Variants in ERO1B observed in about 807,000 individuals in gnomAD.
The protein encoded by ERO1B is endoplasmic reticulum oxidoreductase 1 beta.
ERO1B carries 49 observed loss-of-function variants against 75.3 expected under a neutral mutation model. That is an observed-to-expected ratio of 0.65 (90% CI 0.52 to 0.83). The LOEUF (loss-of-function observed/expected upper bound fraction) is 0.83. Ranked by LOEUF, ERO1B falls within the 40% of genes least tolerant of loss-of-function variation. ERO1B has a pLI of 0.00. For synonymous variants in ERO1B, 191 were observed against 192.9 expected (o/e 0.99, Z 0.08); for missense variants, 512 against 560.1 (o/e 0.91, Z 0.87).
At chr1:236,244,745 T>G (rs1310084999) in intron 5 of ERO1B, among the ~76,000 whole-genome samples, 1 of 152,206 alleles carries the variant, frequency 6.6e-6, no homozygotes, top group African/African-American at 2.4e-5. Flanking sequence ...AATGTGCATC[T>G]AATGCTAATA....
intron 1 of ERO1B, among the ~76,000 whole-genome samples, chr1:236,272,022 G>A (rs1665601021): frequency 6.6e-6 from 1 of 151,996 alleles, no homozygotes; most frequent in Admixed American, 6.6e-5. Flanking sequence ...TTTAAATACT[G>A]CCAGTATCAT....
At chr1:236,270,032 T>C in intron 1 of ERO1B, 38 bp from the exon 2 acceptor site, 1 of 1,404,910 alleles carries the variant, frequency 7.1e-7, no homozygotes, top group Non-Finnish European at 9.8e-7. Flanking sequence ...AAACTACTGA[T>C]GTTTCAACCT....
intron 2 of ERO1B, among the ~76,000 whole-genome samples, chr1:236,255,821 T>C (rs1187366729): frequency 1.3e-5 from 2 of 152,164 alleles, no homozygotes; most frequent in Admixed American, 1.3e-4. Flanking sequence ...CTTCCTGGAT[T>C]ATCTCTTCCT....
At position 236,247,475 on chromosome 1, in the gene ERO1B, G is replaced by A. The variant is rs536457394; in HGVS notation, c.431+2410C>T. Among the ~76,000 whole-genome samples, 22 of 152,220 alleles carry A rather than the reference G, an allele frequency of 1.4e-4. No homozygotes were observed. The East Asian group carries it at 3.1e-3, about 21-fold the overall frequency. On this transcript the variant is annotated intron_variant, in intron 5 of 15. Transcript: ENST00000354619. ...TTCAAAATACATCCAGAACCTGACC[G>A]CTTCTCATCATTTCCACTGCTATCA... is the stretch of plus-strand genomic sequence containing the variant.
At chr1:236,262,889 C>T (rs1386013644) in intron 2 of ERO1B, among the ~76,000 whole-genome samples, 1 of 152,092 alleles carries the variant, frequency 6.6e-6, no homozygotes, top group Admixed American at 6.5e-5. Context: ...TGAAAAGAAC[C>T]ACCTTACCCA....
chr1:236,254,176 TG>T (rs1247842228), intron 2 of ERO1B, among the ~76,000 whole-genome samples: 1 of 152,204 alleles, frequency 6.6e-6, no homozygotes, highest in Admixed American at 6.5e-5. Flanking sequence ...ATTTTAACCA[TG>T]GTAAAAAAGC....
chr1:236,227,766 T>A (rs1312313437), intron 10 of ERO1B, among the ~76,000 whole-genome samples: 1 of 152,214 alleles, frequency 6.6e-6, no homozygotes, highest in Non-Finnish European at 1.5e-5. Flanking sequence ...CTTTCTGTCC[T>A]ATCACAGATG....
chr1:236,281,185 C>T (rs1456038472), intron 1 of ERO1B, among the ~76,000 whole-genome samples: 2 of 152,184 alleles, frequency 1.3e-5, no homozygotes, highest in African/African-American at 2.4e-5. Flanking sequence ...AGCTCTAGTC[C>T]GACAGTTCGA....
At chr1:236,267,838 C>T (rs1483335383) in intron 2 of ERO1B, 2 of 152,072 alleles carry the variant, frequency 1.3e-5, no homozygotes, top group Non-Finnish European at 2.9e-5. Context: ...CCTGATATGT[C>T]CTCTACCCGA....
At chr1:236,235,931 T>A in intron 7 of ERO1B, 96 bp from the exon 8 acceptor site, 3 of 1,060,512 alleles carry the variant, frequency 2.8e-6, no homozygotes, top group Non-Finnish European at 4.1e-6. Flanking sequence ...CTCCCCACCC[T>A]CTTTTTTTTT....
At chr1:236,280,849 AAGCAGC>A (rs1665814720) in intron 1 of ERO1B, among the ~76,000 whole-genome samples, 2 of 152,196 alleles carry the variant, frequency 1.3e-5, no homozygotes, top group South Asian at 4.1e-4. Flanking sequence ...TGCAGACAAC[AAGCAGC>A]AGCACCTGGC....
rs1663989531 is a variant in ERO1B, at chr1:236,216,712, A to G, written c.*1804T>C. On this transcript the variant is annotated 3_prime_UTR_variant, in exon 16 of 16. Coordinates refer to ENST00000354619, the MANE Select transcript of ERO1B (RefSeq NM_019891.4). ...ACTGAGGGAGTGGTGAAATAACACT[A>G]TCAAAAAGTTCTTTACATTTAGAGT... 6.6e-6 allele frequency: 1 copy of G among 152,126 alleles called. No homozygotes were observed. The highest frequency in any genetic ancestry group is 1.5e-5 in the Non-Finnish European group (1 of 67,972). 9.4% of individuals were successfully genotyped at this position (152,126 alleles called of 1,614,324 possible).
At chr1:236,230,945 T>A (rs1664393947) in intron 9 of ERO1B, among the ~76,000 whole-genome samples, 1 of 150,438 alleles carries the variant, frequency 6.6e-6, no homozygotes, top group Non-Finnish European at 1.5e-5. Flanking sequence ...AAAAAAAAAG[T>A]ATATAAATCT....
At chr1:236,251,657 T>C (rs1665033750) in intron 4 of ERO1B, among the ~76,000 whole-genome samples, 1 of 152,074 alleles carries the variant, frequency 6.6e-6, no homozygotes, top group Non-Finnish European at 1.5e-5. Flanking sequence ...AAAATGAATA[T>C]CTTAATACCA....
intron 1 of ERO1B, among the ~76,000 whole-genome samples, chr1:236,278,758 AC>A (rs2102969077): frequency 6.6e-6 from 1 of 152,344 alleles, no homozygotes; most frequent in South Asian, 2.1e-4. Context: ...AAGTATATTT[AC>A]ATTTCATTTA....
chr1:236,281,579 G>GGCCCTGCCCT, intron 1 of ERO1B, 103 bp downstream of exon 1: 1 of 618,798 alleles, frequency 1.6e-6, no homozygotes. Context: ...CCTCTTTTCT[G>GGCCCTGCCCT]GCCCGGCCCT....
In ERO1B at chr1:236,252,102, C is replaced by A; in HGVS notation, c.307-11G>T. On this transcript the variant is annotated splice_polypyrimidine_tract_variant and intron_variant, in intron 3 of 15. Transcript: ENST00000354619. ...AACCGGAATTTTACTCTTAAAAAAA[C>A]AAGAAAAGCAAAAAAATTTTTAAGT... The A allele has an allele frequency of 6.3e-7, 1 of 1,579,324 alleles. No individual in the cohort carries two copies. Among genetic ancestry groups the A allele is most frequent in the Admixed American group, 1.7e-5 (1 of 57,376 alleles).
Position 236,250,616 on chromosome 1 carries a change from T to TGTAG in ERO1B, c.349-650_349-649insCTAC, listed in dbSNP as rs1665000731. On this transcript the variant is annotated intron_variant, in intron 4 of 15. Coordinates refer to ENST00000354619, the MANE Select transcript of ERO1B (RefSeq NM_019891.4). ...ATATATATATATATATATATATATA[T>TGTAG]ATCAAACGTGTGTGTGCAAACATAT... is the stretch of plus-strand genomic sequence containing the variant. 3.1e-5 allele frequency among the ~76,000 whole-genome samples: 2 copies of TGTAG among 64,900 alleles called. 1 individual carries two copies. The highest frequency in any genetic ancestry group is 6.3e-5 in the Non-Finnish European group (2 of 31,926). The allele number at this position is 64,900 out of a possible 152,430, so 42.6% of individuals were successfully genotyped here.
intron 6 of ERO1B, among the ~76,000 whole-genome samples, chr1:236,238,281 T>G (rs78244959): frequency 6.6e-6 from 1 of 152,062 alleles, no homozygotes; most frequent in East Asian, 1.9e-4. Context: ...TACAGATGGA[T>G]AGAAAAAACT....
Sources: allele counts gnomAD v4.1 joint callset (sites outside exome capture counted in the v4.1 genomes callset), GRCh38; gene constraint gnomAD v4.1.1; transcripts MANE v1.5; gene names NCBI Gene and HGNC (gene_info 2026-07-23, HGNC 2026-07-21).